ZBTB7C: variants seen among roughly 807,000 people sequenced by gnomAD.
ZBTB7C encodes zinc finger and BTB domain-containing protein 7C.
Under a neutral mutation model 25.7 loss-of-function variants are expected in ZBTB7C, and 8 were observed. The ratio of observed to expected loss-of-function variants is 0.31; its 90% CI spans 0.18 to 0.56. ZBTB7C has a LOEUF of 0.56. Among genes scored for constraint, ZBTB7C ranks in the 20% least tolerant of loss-of-function variants. The pLI is 0.91. For missense variants in ZBTB7C, 824 were observed against 855.2 expected (o/e 0.96, Z 0.46); for synonymous variants, 394 against 369.0 (o/e 1.07, Z -0.78).
At chr18:48,106,559 G>C (rs1336483486) in intron 3 of ZBTB7C, among the ~76,000 whole-genome samples, 1 of 152,032 alleles carries the variant, frequency 6.6e-6, no homozygotes, top group Non-Finnish European at 1.5e-5. Context: ...TCAGAGGAGG[G>C]GCAGGAGGTA....
chr18:48,103,145 T>TATCTATCTATCG (rs2038908360), intron 3 of ZBTB7C, among the ~76,000 whole-genome samples: 1 of 146,476 alleles, frequency 6.8e-6, no homozygotes, highest in African/African-American at 2.5e-5. Context: ...TCTATCTATC[T>TATCTATCTATCG]ATCTATCTAT....
chr18:48,252,250 G>A (rs562483357), intron 2 of ZBTB7C: 19 of 152,298 alleles, frequency 1.2e-4, no homozygotes, highest in African/African-American at 4.3e-4. Context: ...TAGCTGTGTG[G>A]TTTTGGGAAA....
At chr18:48,282,870 G>A (rs575026345) in intron 2 of ZBTB7C, among the ~76,000 whole-genome samples, 18 of 152,304 alleles carry the variant, frequency 1.2e-4, no homozygotes, top group African/African-American at 3.6e-4. Context: ...TGACTGAAAT[G>A]GGGCCTGAGG....
intron 1 of ZBTB7C, among the ~76,000 whole-genome samples, chr18:48,354,230 G>T (rs1188025330): frequency 6.6e-6 from 1 of 151,998 alleles, no homozygotes; most frequent in Non-Finnish European, 1.5e-5. Flanking sequence ...TCACTATGTT[G>T]CCCAGGCTGG....
At chr18:48,292,399 G>A (rs1169148438) in intron 2 of ZBTB7C, among the ~76,000 whole-genome samples, 1 of 152,118 alleles carries the variant, frequency 6.6e-6, no homozygotes, top group Non-Finnish European at 1.5e-5. Context: ...TTCGAGCTTA[G>A]GCCTGTGTGA....
At chr18:48,270,708 ATT>A (rs201168444) in intron 2 of ZBTB7C, among the ~76,000 whole-genome samples, 24 of 141,668 alleles carry the variant, frequency 1.7e-4, no homozygotes, top group Non-Finnish European at 2.9e-4. Context: ...AAAAAAAAAA[ATT>A]TTTATATTTT....
chr18:48,402,160 C>A (rs1179824285), intron 1 of ZBTB7C, among the ~76,000 whole-genome samples: 1 of 151,970 alleles, frequency 6.6e-6, no homozygotes, highest in African/African-American at 2.4e-5. Context: ...GTCCTGGGCT[C>A]CTGCAGGAGT....
At chr18:48,281,116 AGT>A (rs1459246400) in intron 2 of ZBTB7C, among the ~76,000 whole-genome samples, 1 of 151,820 alleles carries the variant, frequency 6.6e-6, no homozygotes, top group Admixed American at 6.6e-5. Context: ...AGCCTCCCAA[AGT>A]GCTGGGATTA....
At chr18:48,373,978 G>A (rs1277750382) in intron 1 of ZBTB7C, among the ~76,000 whole-genome samples, 8 of 138,346 alleles carry the variant, frequency 5.8e-5, no homozygotes, top group Non-Finnish European at 1.3e-4. Context: ...AAAAAAGCAT[G>A]TGGCACCTCC....
intron 2 of ZBTB7C, among the ~76,000 whole-genome samples, chr18:48,227,019 CAAAAAAAAAAAA>C (rs1187830776): frequency 1.8e-5 from 1 of 56,156 alleles, no homozygotes; most frequent in Admixed American, 2.1e-4. Flanking sequence ...GACTCCATCT[CAAAAAAAAAAAA>C]AAAAAAAGAA....
intron 3 of ZBTB7C, among the ~76,000 whole-genome samples, chr18:48,184,186 C>T (rs980849520): frequency 1.3e-5 from 2 of 152,140 alleles, no homozygotes; most frequent in East Asian, 1.9e-4. Flanking sequence ...ATACAGCCCA[C>T]GAAAGCCAGC....
intron 2 of ZBTB7C, among the ~76,000 whole-genome samples, chr18:48,318,776 A>G (rs763762673): frequency 1.4e-4 from 21 of 152,274 alleles, no homozygotes; most frequent in Non-Finnish European, 2.5e-4. Context: ...TCTCTCCCCA[A>G]GAAGGGCACT....
chr18:48,051,966 A>C (rs372464565), intron 3 of ZBTB7C, among the ~76,000 whole-genome samples: 37 of 152,294 alleles, frequency 2.4e-4, no homozygotes, highest in African/African-American at 8.4e-4. Context: ...GAAAAGTTGC[A>C]CACCTCTTTC....
At chr18:48,221,466 A>T (rs570206449) in intron 2 of ZBTB7C, among the ~76,000 whole-genome samples, 1 of 132,482 alleles carries the variant, frequency 7.5e-6, no homozygotes, top group South Asian at 2.3e-4. Context: ...ACACTGTCCT[A>T]GTCTCCCTCT....
At chr18:48,371,032 A>T (rs1295230638) in intron 1 of ZBTB7C, among the ~76,000 whole-genome samples, 1 of 152,202 alleles carries the variant, frequency 6.6e-6, no homozygotes, top group Non-Finnish European at 1.5e-5. Flanking sequence ...CCTGAAAGTA[A>T]GTGTACAAAA....
intron 2 of ZBTB7C, among the ~76,000 whole-genome samples, chr18:48,195,471 A>G (rs565748272): frequency 6.6e-6 from 1 of 152,300 alleles, no homozygotes; most frequent in Admixed American, 6.5e-5. Context: ...GCCATGTAAG[A>G]CATGACTTTG....
intron 1 of ZBTB7C, among the ~76,000 whole-genome samples, chr18:48,382,001 G>A (rs762372485): frequency 4.3e-4 from 65 of 152,144 alleles, no homozygotes; most frequent in African/African-American, 1.4e-3. Flanking sequence ...ATATAACTAC[G>A]GAAAAGGCTT....
At chr18:48,068,972 T>G (rs2037440464) in intron 3 of ZBTB7C, among the ~76,000 whole-genome samples, 1 of 152,186 alleles carries the variant, frequency 6.6e-6, no homozygotes, top group Non-Finnish European at 1.5e-5. Flanking sequence ...ACAAGCTCTT[T>G]CCGGAGCTCA....
At chr18:48,154,078 C>T (rs1049770362) in intron 3 of ZBTB7C, among the ~76,000 whole-genome samples, 1 of 152,166 alleles carries the variant, frequency 6.6e-6, no homozygotes, top group Non-Finnish European at 1.5e-5. Context: ...GTCTGAGAGG[C>T]CTCTGGCAGC....
Sources: allele counts gnomAD v4.1 joint callset (sites outside exome capture counted in the v4.1 genomes callset), GRCh38; gene constraint gnomAD v4.1.1; transcripts MANE v1.5; gene names NCBI Gene and HGNC (gene_info 2026-07-23, HGNC 2026-07-21).